Variants in BCL9 observed in about 807,000 individuals in gnomAD.
BCL9 encodes the protein B-cell CLL/lymphoma 9 protein.
BCL9 carries 25 observed loss-of-function variants against 88.5 expected under a neutral mutation model. The ratio of observed to expected loss-of-function variants is 0.28; its 90% CI spans 0.21 to 0.39. BCL9 has a LOEUF of 0.39. Ranked by LOEUF, BCL9 falls within the 10% of genes least tolerant of loss-of-function variation. BCL9 has a pLI of 1.00. For missense variants in BCL9, 1,817 were observed against 1,877.8 expected, an observed-to-expected ratio of 0.97 and a Z score of 0.60; for synonymous variants, 711 against 673.3, an observed-to-expected ratio of 1.06 and a Z score of -0.87.
At chr1:147,585,447 T>C (rs1656559874) in intron 1 of BCL9, among the ~76,000 whole-genome samples, 1 of 152,124 alleles carries the variant, frequency 6.6e-6, no homozygotes, top group Non-Finnish European at 1.5e-5. Context: ...ATGCTGATAT[T>C]AGTCACACAA....
intron 1 of BCL9, among the ~76,000 whole-genome samples, chr1:147,566,049 G>A (rs80260865): frequency 0.045 from 6,874 of 152,214 alleles, 198 homozygotes; most frequent in East Asian, 0.056. Flanking sequence ...ATAATCAAGG[G>A]CACAGTGTAC....
intron 1 of BCL9, among the ~76,000 whole-genome samples, chr1:147,599,497 C>G (rs879967394): frequency 4.3e-4 from 62 of 145,298 alleles, no homozygotes; most frequent in South Asian, 1.9e-3. Flanking sequence ...GCCCCCCGCC[C>G]CCCTCGGTTG....
At chr1:147,582,449 A>T (rs1553198737) in intron 1 of BCL9, among the ~76,000 whole-genome samples, 2 of 152,238 alleles carry the variant, frequency 1.3e-5, no homozygotes, top group East Asian at 3.9e-4. Flanking sequence ...TTATTTTAAT[A>T]CAGACACCCT....
intron 1 of BCL9, among the ~76,000 whole-genome samples, chr1:147,566,711 G>A (rs1655615223): frequency 6.6e-6 from 1 of 151,664 alleles, no homozygotes; most frequent in African/African-American, 2.4e-5. Context: ...AGCCGAAATC[G>A]CGCCACTGCA....
At position 147,622,412 on chromosome 1, in the gene BCL9, A is replaced by C. The variant is rs1553205579; in HGVS notation, c.3044A>C (p.Lys1015Thr). 3 of 1,614,106 alleles carry C rather than the reference A, an allele frequency of 1.9e-6. No individual in the cohort carries two copies. The highest frequency in any genetic ancestry group is 1.7e-5 in the Admixed American group (1 of 60,020). ...PLSIMMSRMS[K>T]FAMPSSTPLY... ...TCTATTATGATGTCTCGAATGTCCAAGTTTGCAATGCCCAGTTCCACCCCG... is the reference window on the plus strand; with the variant it reads ...TCTATTATGATGTCTCGAATGTCCACGTTTGCAATGCCCAGTTCCACCCCG... The change falls in exon 9 of 10, where the codon AAG (lysine) becomes ACG (threonine). Residue 1015 changes from lysine to threonine, a missense_variant. By Grantham distance (78) the Lys-to-Thr change is moderately conservative. Around this residue, in one of 2 missense-constraint regions of BCL9, gnomAD observed 589 missense variants for 686.2 expected, o/e 0.86. Transcript: ENST00000234739.
chr1:147,620,788 C>T lies in BCL9; in HGVS notation c.2633C>T (p.Ser878Leu), dbSNP rs782102524. The change falls in exon 8 of 10, where the codon TCG (serine) becomes TTG (leucine). Residue 878 changes from serine to leucine, a missense_variant. By Grantham distance (145) the Ser-to-Leu change is moderately radical. Around this residue, in one of 2 missense-constraint regions of BCL9, gnomAD observed 1,228 missense variants for 1,191.6 expected, o/e 1.03. Transcript: ENST00000234739. The stretch of plus-strand genomic sequence containing the variant: ...CAAGTCCAGTCACCAATGCTGGGCT[C>T]GCCCTCGGGGAACCTCAAGTCCCCC... Reference protein sequence around the residue: ...MHQVQSPMLGSPSGNLKSPQT... With the variant: ...MHQVQSPMLGLPSGNLKSPQT... 7 of 1,614,050 alleles carry T rather than the reference C, an allele frequency of 4.3e-6. No individual in the cohort carries two copies. Among genetic ancestry groups the T allele is most frequent in the South Asian group, 1.1e-5 (1 of 91,088 alleles).
chr1:147,620,171 G>A lies in BCL9; in HGVS notation c.2016G>A (p.Gly672=), dbSNP rs782562457. The change falls in exon 8 of 10, where the codon GGG becomes GGA. Residue 672 remains glycine, a synonymous_variant. Transcript: ENST00000234739. The part of the protein sequence containing the change: ...IPGSQRHMEP[G]NNPIFPRIPV... ...GCTCCCAGCGCCACATGGAGCCTGG[G>A]AATAACCCCATTTTCCCTCGAATAC... is the stretch of plus-strand genomic sequence containing the variant. 3 of 1,614,142 alleles carry A rather than the reference G, an allele frequency of 1.9e-6. No homozygotes were observed. Among genetic ancestry groups the A allele is most frequent in the Non-Finnish European group, 1.7e-6 (2 of 1,179,988 alleles).
intron 1 of BCL9, among the ~76,000 whole-genome samples, chr1:147,567,497 G>C (rs1380349185): frequency 6.6e-6 from 1 of 152,116 alleles, no homozygotes; most frequent in African/African-American, 2.4e-5. Flanking sequence ...AATTTGGGAG[G>C]GAAAGACAAA....
intron 1 of BCL9, among the ~76,000 whole-genome samples, chr1:147,554,039 C>T (rs1553195119): frequency 1.3e-5 from 2 of 152,164 alleles, no homozygotes; most frequent in East Asian, 3.9e-4. Flanking sequence ...TCAATGGAGA[C>T]ATCTGCTCAC....
chr1:147,609,520 A>C (rs1553202380), intron 3 of BCL9, among the ~76,000 whole-genome samples: 1 of 152,250 alleles, frequency 6.6e-6, no homozygotes, highest in Non-Finnish European at 1.5e-5. Context: ...TTCACACCCC[A>C]TGTGCTCCAT....
chr1:147,624,502 G>A lies in BCL9; in HGVS notation c.3824G>A (p.Gly1275Glu). 1.9e-6 allele frequency: 3 copies of A among 1,614,232 alleles called. No homozygotes were observed. Among genetic ancestry groups the A allele is most frequent in the Admixed American group, 1.7e-5 (1 of 60,030 alleles). ...GGACCTGGGTTTTCACACATGCAGG[G>A]GATGATGGGCGAACAAGCCCCCAGA... ...GPGPGFSHMQ[G>E]MMGEQAPRMG... The change falls in exon 10 of 10, where the codon GGG becomes GAG. Residue 1275 changes from glycine (G) to glutamate (E), a missense_variant. Physicochemically the swap from Gly to Glu is moderately conservative, Grantham distance 98. Coordinates refer to ENST00000234739, the MANE Select transcript of BCL9 (RefSeq NM_004326.4). The surrounding 1 kb of genome is among the most constrained non-coding windows in gnomAD (Gnocchi z 4.4).
At chr1:147,604,991 C>A (rs1236930355) in intron 2 of BCL9, 80 bp downstream of exon 2, 1 of 152,136 alleles carries the variant, frequency 6.6e-6, no homozygotes, top group Non-Finnish European at 1.5e-5. Flanking sequence ...TTCTATAGGG[C>A]CTCTTGTAAG....
At chr1:147,598,768 A>C (rs1657166965) in intron 1 of BCL9, among the ~76,000 whole-genome samples, 1 of 152,192 alleles carries the variant, frequency 6.6e-6, no homozygotes, top group Non-Finnish European at 1.5e-5. Context: ...GCTAACTTAG[A>C]TCAAGACCCC....
chr1:147,555,052 T>G (rs1411040580), intron 1 of BCL9, among the ~76,000 whole-genome samples: 11 of 152,200 alleles, frequency 7.2e-5, no homozygotes, highest in African/African-American at 2.7e-4. Context: ...AATTTTGCAC[T>G]CATTTTTATT....
chr1:147,608,355 C>T (rs1297729735), intron 3 of BCL9, among the ~76,000 whole-genome samples: 6 of 32,698 alleles, frequency 1.8e-4, no homozygotes, highest in Admixed American at 8.4e-4. Flanking sequence ...TTTTTTAGCA[C>T]GGAAAGATTC....
intron 9 of BCL9, among the ~76,000 whole-genome samples, chr1:147,622,866 A>G (rs1194714820): frequency 6.6e-6 from 1 of 151,838 alleles, no homozygotes; most frequent in African/African-American, 2.4e-5. Flanking sequence ...GGCTGATTGG[A>G]ATGTCTTTAG....
intron 1 of BCL9, among the ~76,000 whole-genome samples, chr1:147,542,636 A>G (rs1222757986): frequency 6.6e-6 from 1 of 152,150 alleles, no homozygotes; most frequent in Non-Finnish European, 1.5e-5. Flanking sequence ...TTTCTAAGGA[A>G]ACAAAAAGCC....
intron 3 of BCL9, among the ~76,000 whole-genome samples, chr1:147,609,781 A>G (rs889125111): frequency 2.0e-5 from 3 of 152,232 alleles, no homozygotes; most frequent in Non-Finnish European, 4.4e-5. Flanking sequence ...GAGAACTTGA[A>G]TAAGTCACAG....
intron 1 of BCL9, among the ~76,000 whole-genome samples, chr1:147,568,475 C>CAAAAAAA (rs1180450905): frequency 2.9e-5 from 1 of 34,734 alleles, no homozygotes; most frequent in Non-Finnish European, 4.9e-5. Flanking sequence ...AAAGAAAAAG[C>CAAAAAAA]AAAAAAGAAA....
Sources: allele counts gnomAD v4.1 joint callset (sites outside exome capture counted in the v4.1 genomes callset), GRCh38; gene constraint gnomAD v4.1.1; regional missense constraint gnomAD v4.1.1; non-coding constraint Gnocchi (gnomAD v3.1); transcripts MANE v1.5; gene names NCBI Gene and HGNC (gene_info 2026-07-23, HGNC 2026-07-21).